PPIG: variants seen among roughly 807,000 people sequenced by gnomAD.
The protein encoded by PPIG is peptidyl-prolyl cis-trans isomerase G.
A neutral mutation model predicts 87.9 loss-of-function variants in PPIG; 26 were observed. The ratio of observed to expected loss-of-function variants is 0.30; its 90% confidence interval spans 0.22 to 0.41. The LOEUF (loss-of-function observed/expected upper bound fraction) is 0.41, where lower values mean the gene tolerates loss of function less well. Among genes scored for constraint, PPIG ranks in the 10% least tolerant of loss-of-function variants. The pLI is 1.00. For missense variants in PPIG, 722 were observed against 879.4 expected (o/e 0.82, Z 2.26); for synonymous variants, 308 against 276.5 (o/e 1.11, Z -1.13).
At chr2:169,587,564 A>G (rs549710573) in intron 1 of PPIG, among the ~76,000 whole-genome samples, 141 of 152,274 alleles carry the variant, frequency 9.3e-4, no homozygotes, top group African/African-American at 3.3e-3. Context: ...TGTTAGGACT[A>G]AACTTCAATT....
rs1686101658 is a variant in PPIG, at chr2:169,633,151, T to A, written c.930-9T>A. 1 of 1,582,892 alleles carries A rather than the reference T, an allele frequency of 6.3e-7. No individual in the cohort carries two copies. Among genetic ancestry groups the A allele is most frequent in the African/African-American group, 1.3e-5 (1 of 74,230 alleles). On this transcript the variant is annotated splice_polypyrimidine_tract_variant and intron_variant, in intron 11 of 13. Coordinates refer to ENST00000260970, the MANE Select transcript of PPIG (RefSeq NM_004792.3). ...AAAATGTGTTAACTTTCTGTTTGCT[T>A]CCTTCTAGTAATCCACCTAACTCCC...
chr2:169,630,970 A>C lies in PPIG; in HGVS notation c.744A>C (p.Arg248=). The C allele has an allele frequency of 6.3e-7, 1 of 1,594,020 alleles. No homozygotes were observed. The highest frequency in any genetic ancestry group is 1.2e-5 in the South Asian group (1 of 86,054). The change falls in exon 10 of 14, where the codon CGA becomes CGC. Residue 248 remains arginine, a synonymous_variant. Transcript: ENST00000260970. ...AACACAAGAAAGAAAAGAAAAAGCGAAAGAAAAGCAAGAAGAGGTCTTAAT... is the reference window on the plus strand; with the variant it reads ...AACACAAGAAAGAAAAGAAAAAGCGCAAGAAAAGCAAGAAGAGGTCTTAAT... ...SRKHKKEKKK[R]KKSKKSASSE...
At chr2:169,629,965 T>A (rs1184342970) in intron 9 of PPIG, among the ~76,000 whole-genome samples, 1 of 152,156 alleles carries the variant, frequency 6.6e-6, no homozygotes, top group Non-Finnish European at 1.5e-5. Context: ...CTCATGTATA[T>A]ATCAATATTG....
chr2:169,602,571 C>A (rs1270064807), intron 1 of PPIG, among the ~76,000 whole-genome samples: 1 of 152,144 alleles, frequency 6.6e-6, no homozygotes, highest in Admixed American at 6.5e-5. Context: ...CTCAGCCCCC[C>A]AAAGTGCTGG....
intron 7 of PPIG, 32 bp from the exon 8 acceptor site, chr2:169,614,432 T>C: frequency 6.6e-7 from 1 of 1,518,002 alleles, no homozygotes; most frequent in Non-Finnish European, 9.0e-7. Context: ...TCTGACTTTG[T>C]TTTTATTCTT....
intron 1 of PPIG, among the ~76,000 whole-genome samples, chr2:169,598,795 A>T (rs887832778): frequency 2.7e-5 from 4 of 148,754 alleles, no homozygotes; most frequent in African/African-American, 7.3e-5. Context: ...CATTTATCAA[A>T]GTATTATAAA....
intron 7 of PPIG, among the ~76,000 whole-genome samples, chr2:169,611,233 A>T (rs1685480025): frequency 6.6e-6 from 1 of 152,068 alleles, no homozygotes; most frequent in African/African-American, 2.4e-5. Flanking sequence ...TCTTCATTGT[A>T]AAAAAAGAAA....
intron 9 of PPIG, 69 bp downstream of exon 9, chr2:169,614,793 T>C: frequency 7.0e-7 from 1 of 1,429,878 alleles, no homozygotes; most frequent in Non-Finnish European, 9.3e-7. Context: ...TCTAAATAGT[T>C]GACATGAAAT....
chr2:169,594,388 TGAA>T (rs1178277500), intron 1 of PPIG, among the ~76,000 whole-genome samples: 1 of 151,430 alleles, frequency 6.6e-6, no homozygotes, highest in African/African-American at 2.4e-5. Context: ...ATTACGAAAT[TGAA>T]GAAAAATTGG....
rs545252063 is a variant in PPIG at position 169,607,526 on chromosome 2, A to G, written c.289+378A>G. Among the ~76,000 whole-genome samples the G allele has an allele frequency of 2.8e-4, 43 of 152,308 alleles. 1 individual carries two copies. The South Asian group carries it at 8.3e-3, about 29-fold the overall frequency. ...ATTTTTAAAAAATCTTTGATATTCT[A>G]AAATTTGACTATAATATTTTCCAAA... On this transcript the variant is annotated intron_variant, in intron 6 of 13. Transcript: ENST00000260970.
At chr2:169,623,362 G>A (rs1472710966) in intron 9 of PPIG, among the ~76,000 whole-genome samples, 1 of 152,158 alleles carries the variant, frequency 6.6e-6, no homozygotes, top group African/African-American at 2.4e-5. Flanking sequence ...CAAGTTTTTT[G>A]TGTGAAAAAT....
Position 169,637,366 on chromosome 2 carries a change from C to A in PPIG, c.2108C>A (p.Ser703Tyr). Residue 703 changes from serine to tyrosine, a missense_variant, in exon 14 of 14, where the codon TCC becomes TAC. Around this residue, in one of 4 missense-constraint regions of PPIG, gnomAD observed 476 missense variants for 483.1 expected, o/e 0.99. Coordinates refer to ENST00000260970, the MANE Select transcript of PPIG (RefSeq NM_004792.3). ...KQSSQDNELK[S>Y]SMLKNKEDEK... ...AGCAGTCAGGACAATGAATTAAAGT[C>A]CTCCATGTTGAAAAATAAGGAGGAT... is the stretch of plus-strand genomic sequence containing the variant. 6.2e-7 allele frequency: 1 copy of A among 1,611,634 alleles called. No homozygotes were observed. Among genetic ancestry groups the A allele is most frequent in the Non-Finnish European group, 8.5e-7 (1 of 1,179,550 alleles).
At chr2:169,610,025 C>T (rs185866921) in intron 7 of PPIG, among the ~76,000 whole-genome samples, 49 of 152,292 alleles carry the variant, frequency 3.2e-4, no homozygotes, top group Middle Eastern at 6.8e-3. Context: ...AAAATTATGA[C>T]CAGGCCTGTT....
intron 9 of PPIG, among the ~76,000 whole-genome samples, chr2:169,626,888 C>G (rs1685901539): frequency 6.7e-6 from 1 of 148,560 alleles, no homozygotes; most frequent in Non-Finnish European, 1.5e-5. Context: ...TTTTGTATCT[C>G]TAGTGGAGGC....
intron 9 of PPIG, among the ~76,000 whole-genome samples, chr2:169,628,908 T>C (rs986221407): frequency 4.6e-5 from 6 of 131,734 alleles, no homozygotes; most frequent in African/African-American, 1.8e-4. Flanking sequence ...GTCTGCACTC[T>C]AGCCTGGGCA....
At chr2:169,593,179 ATTATTTATTTTATTTAT>A (rs1229994189) in intron 1 of PPIG, among the ~76,000 whole-genome samples, 1 of 151,516 alleles carries the variant, frequency 6.6e-6, no homozygotes, top group Non-Finnish European at 1.5e-5. Flanking sequence ...CAGTACATTT[ATTATTTATTTTATTTAT>A]TTATTTATTT....
At position 169,640,948 on chromosome 2, in the gene PPIG, AGTTT is replaced by A. The variant is rs1686297991; in HGVS notation, c.*3430_*3433del. On this transcript the variant is annotated 3_prime_UTR_variant, in exon 14 of 14. Coordinates refer to ENST00000260970, the MANE Select transcript of PPIG (RefSeq NM_004792.3). Reference sequence around the variant, plus strand: ...GGAGTAGGGAGTTGTTGAGGGGTTTAGTTTGTTTTAAAAGGTATGTGAGGGAGTG... The same window carrying A: ...GGAGTAGGGAGTTGTTGAGGGGTTTAGTTTTAAAAGGTATGTGAGGGAGTG... 6.6e-6 allele frequency: 1 copy of A among 152,176 alleles called. No individual in the cohort carries two copies. The highest frequency in any genetic ancestry group is 1.5e-5 in the Non-Finnish European group (1 of 68,030). 9.4% of individuals were successfully genotyped at this position (152,176 alleles called of 1,614,324 possible). A position where few individuals can be genotyped will look rare whatever the true frequency, so the allele number is the denominator to read the frequency against.
At chr2:169,631,707 A>G in intron 10 of PPIG, 59 bp from the exon 11 acceptor site, 4 of 1,605,818 alleles carry the variant, frequency 2.5e-6, no homozygotes, top group Non-Finnish European at 3.4e-6. Flanking sequence ...ACAATTGGAT[A>G]CTTCCGTAAG....
At chr2:169,590,604 C>G (rs990472505) in intron 1 of PPIG, among the ~76,000 whole-genome samples, 5 of 151,728 alleles carry the variant, frequency 3.3e-5, no homozygotes, top group Non-Finnish European at 7.4e-5. Flanking sequence ...GGTCACGCCA[C>G]TGCACTCCAG....
Sources: allele counts gnomAD v4.1 joint callset (sites outside exome capture counted in the v4.1 genomes callset), GRCh38; gene constraint gnomAD v4.1.1; regional missense constraint gnomAD v4.1.1; transcripts MANE v1.5; gene names NCBI Gene and HGNC (gene_info 2026-07-23, HGNC 2026-07-21).